The following CCDC57 variants were observed in gnomAD, a reference collection of about 807,000 sequenced individuals.
CCDC57 encodes the protein coiled-coil domain containing 57, also known as coiled-coil domain-containing protein 57.
CCDC57 carries 118 observed loss-of-function variants against 118.9 expected under a neutral mutation model. The ratio of observed to expected loss-of-function variants is 0.99; its 90% CI spans 0.86 to 1.16. The LOEUF (loss-of-function observed/expected upper bound fraction) is 1.16. CCDC57 is among the 50% of genes most tolerant of loss of function. The pLI is 0.00. For synonymous variants in CCDC57, 527 were observed against 532.9 expected, an observed-to-expected ratio of 0.99 and a Z score of 0.15; for missense variants, 1,300 against 1,320.7, an observed-to-expected ratio of 0.98 and a Z score of 0.24.
At chr17:82,202,667 T>G (rs1057397639) in intron 2 of CCDC57, among the ~76,000 whole-genome samples, 1 of 152,034 alleles carries the variant, frequency 6.6e-6, no homozygotes, top group African/African-American at 2.4e-5. Context: ...GGAGGATCAC[T>G]TGAACCCAGG....
chr17:82,194,606 G>A (rs115360379), intron 5 of CCDC57, among the ~76,000 whole-genome samples: 7,198 of 152,112 alleles, frequency 0.047, 230 homozygotes, highest in African/African-American at 0.089. Context: ...CACCGTGCCC[G>A]GCCTTCATTG....
chr17:82,210,709 A>T lies in CCDC57; in HGVS notation c.-211+2076T>A, dbSNP rs918149859. On this transcript the variant is annotated intron_variant, in intron 1 of 19. Transcript: ENST00000665763. ...AAAAATAAAATTAATTAAAAAAAAAAAAAGGCCGGGCACGGTGGCTCACAC... is the reference window on the plus strand; with the variant it reads ...AAAAATAAAATTAATTAAAAAAAAATAAAGGCCGGGCACGGTGGCTCACAC... Among the ~76,000 whole-genome samples, 1,471 of 150,668 alleles carry T rather than the reference A, an allele frequency of 9.8e-3. 21 individuals are homozygous for T. Among genetic ancestry groups the T allele is most frequent in the African/African-American group, 0.034 (1,413 of 41,030 alleles).
At position 82,128,482 on chromosome 17, in the gene CCDC57, G is replaced by A. The variant is rs749131618; in HGVS notation, c.2682+11C>T. ...ACACAGCTGCACTTGCTCGGGCGCC[G>A]CCACTCTCACCTTCGGGCCTTGCAG... On this transcript the variant is annotated intron_variant, in intron 18 of 19. Transcript: ENST00000665763. 7.8e-6 allele frequency: 12 copies of A among 1,540,274 alleles called. No individual in the cohort carries two copies. The highest frequency in any genetic ancestry group is 1.9e-5 in the Admixed American group (1 of 51,616).
chr17:82,126,371 T>G, intron 19 of CCDC57: 1 of 972,476 alleles, frequency 1.0e-6, no homozygotes, highest in Non-Finnish European at 1.2e-6. Context: ...AACACCATAA[T>G]AAACATTTAA....
chr17:82,127,011 C>A (rs190739401), intron 19 of CCDC57: 21 of 985,302 alleles, frequency 2.1e-5, no homozygotes, highest in South Asian at 4.7e-5. Flanking sequence ...TCCCTCCCCC[C>A]TTCTCGCTAC....
At chr17:82,129,966 G>A (rs910410924) in intron 17 of CCDC57, among the ~76,000 whole-genome samples, 1 of 152,026 alleles carries the variant, frequency 6.6e-6, no homozygotes, top group East Asian at 1.9e-4. Context: ...GGAGGCCGAG[G>A]TGGAAGAATC....
At chr17:82,173,007 T>G (rs2044962911) in intron 11 of CCDC57, 147 bp from the exon 11 acceptor site, 1 of 693,058 alleles carries the variant, frequency 1.4e-6, no homozygotes. Context: ...CCCCAGGCTG[T>G]GATGCCCCTC....
chr17:82,127,896 T>C (rs769559832), exon 19 of CCDC57: 1 of 1,612,228 alleles, frequency 6.2e-7, no homozygotes, highest in South Asian at 1.1e-5. Context: ...ACCGTGTGGA[T>C]GCTGTGTTGT....
intron 19 of CCDC57, among the ~76,000 whole-genome samples, chr17:82,106,740 C>T (rs1321849421): frequency 6.6e-6 from 1 of 152,160 alleles, no homozygotes; most frequent in Non-Finnish European, 1.5e-5. Flanking sequence ...GTGCTGAGTG[C>T]CTGGGCTGGT....
At chr17:82,141,174 C>G (rs1013268622) in intron 16 of CCDC57, among the ~76,000 whole-genome samples, 7 of 123,356 alleles carry the variant, frequency 5.7e-5, no homozygotes, top group African/African-American at 2.1e-4. Context: ...CCACGCCCGG[C>G]TAATTTTTTT....
At chr17:82,146,789 GCA>G (rs1477197573) in intron 16 of CCDC57, among the ~76,000 whole-genome samples, 1 of 152,114 alleles carries the variant, frequency 6.6e-6, no homozygotes, top group Non-Finnish European at 1.5e-5. Context: ...AAATGTATGT[GCA>G]CAGTCTCACA....
chr17:82,127,383 A>G lies in CCDC57; in HGVS notation c.2899+309T>C, dbSNP rs79780738. Reference sequence around the variant, plus strand: ...TAAGTCAGCCTGCGCCCGGGTGTACAGTGCTCCATTCTAAGTCAGCCTGCG... The same window carrying G: ...TAAGTCAGCCTGCGCCCGGGTGTACGGTGCTCCATTCTAAGTCAGCCTGCG... On this transcript the variant is annotated intron_variant, in intron 19 of 19. Transcript: ENST00000665763. The G allele has an allele frequency of 1.3e-4, 23 of 180,726 alleles. 1 individual carries two copies. Among genetic ancestry groups the G allele is most frequent in the Middle Eastern group, 2.9e-3 (2 of 686 alleles). The allele number at this position is 180,726 out of a possible 1,614,324, so 11.2% of individuals were successfully genotyped here.
At chr17:82,189,754 G>A (rs2047419277) in intron 7 of CCDC57, among the ~76,000 whole-genome samples, 1 of 152,208 alleles carries the variant, frequency 6.6e-6, no homozygotes, top group Non-Finnish European at 1.5e-5. Flanking sequence ...TCGGGAGGCT[G>A]AGGCAGGAGA....
intron 7 of CCDC57, among the ~76,000 whole-genome samples, chr17:82,193,544 A>G (rs1055396150): frequency 1.3e-5 from 2 of 148,580 alleles, no homozygotes; most frequent in African/African-American, 4.9e-5. Context: ...GACCCTGTCA[A>G]AAAAAAAAAA....
In CCDC57 at chr17:82,171,688, G is replaced by T. The variant is rs765878332; in HGVS notation, c.1882+13C>A. On this transcript the variant is annotated intron_variant, in intron 13 of 19. Coordinates refer to ENST00000665763, the Ensembl canonical transcript of CCDC57. ...AAGGGGACAGCAAGTACCCCACTGA[G>T]ACGCGGACTTACCAGTCGTCTCTGT... The T allele has an allele frequency of 7.0e-5, 112 of 1,607,032 alleles. No homozygotes were observed. The highest frequency in any genetic ancestry group is 8.9e-5 in the Non-Finnish European group (104 of 1,174,086).
At chr17:82,154,134 G>C (rs79940760) in intron 15 of CCDC57, 7,230 of 152,486 alleles carry the variant, frequency 0.047, 227 homozygotes, top group African/African-American at 0.089. Flanking sequence ...TGTATTTTAA[G>C]GGCTAGAGGC....
intron 7 of CCDC57, among the ~76,000 whole-genome samples, chr17:82,190,287 G>A (rs950194173): frequency 2.6e-5 from 4 of 152,192 alleles, no homozygotes; most frequent in Non-Finnish European, 2.9e-5. Flanking sequence ...GTGTAATACT[G>A]TAAACCTTCA....
chr17:82,209,804 G>GTTT (rs2050042161), intron 1 of CCDC57, among the ~76,000 whole-genome samples: 1 of 152,148 alleles, frequency 6.6e-6, no homozygotes, highest in East Asian at 1.9e-4. Context: ...AATATATACA[G>GTTT]AGACACAGAT....
chr17:82,187,231 C>G (rs1599294961), intron 8 of CCDC57, among the ~76,000 whole-genome samples: 1 of 82,428 alleles, frequency 1.2e-5, no homozygotes, highest in African/African-American at 5.0e-5. Flanking sequence ...AGCCAGACTC[C>G]ATCTCAAAAA....
Sources: gnomAD v4.1 joint callset for allele counts (sites outside exome capture counted in the v4.1 genomes callset) on GRCh38, gnomAD v4.1.1 for gene constraint, MANE v1.5 for transcripts, NCBI Gene and HGNC (gene_info 2026-07-23, HGNC 2026-07-21) for gene names.